SOX6: variants seen among roughly 807,000 people sequenced by gnomAD.
SOX6 encodes SRY-box transcription factor 6.
A neutral mutation model predicts 97.8 loss-of-function variants in SOX6; 11 were observed. That is an observed-to-expected ratio of 0.11 (90% confidence interval 0.07 to 0.19). SOX6 has a LOEUF of 0.19. Among genes scored for constraint, SOX6 ranks in the 10% least tolerant of loss-of-function variants. The pLI is 1.00. For synonymous variants in SOX6, 360 were observed against 371.4 expected (o/e 0.97, Z 0.35); for missense variants, 810 against 1,039.5 (o/e 0.78, Z 3.04).
At chr11:16,094,326 G>A (rs941645308) in intron 9 of SOX6, among the ~76,000 whole-genome samples, 9 of 151,640 alleles carry the variant, frequency 5.9e-5, no homozygotes, top group Non-Finnish European at 1.2e-4. Flanking sequence ...AGTGGGGGGT[G>A]GGAGAGAAGC....
At chr11:16,283,089 GTATA>G (rs10581083) in intron 3 of SOX6, among the ~76,000 whole-genome samples, 22,240 of 113,656 alleles carry the variant, frequency 0.2, 2,751 homozygotes, top group Admixed American at 0.33. Flanking sequence ...TATATAATTT[GTATA>G]TATATATATA....
At chr11:16,484,540 G>A in intron 4 of SOX6, 1 of 780,286 alleles carries the variant, frequency 1.3e-6, no homozygotes, top group Admixed American at 1.7e-5. Context: ...CATGGGCACA[G>A]TCGAGATGGC....
chr11:16,066,222 C>G (rs997157686), intron 9 of SOX6, among the ~76,000 whole-genome samples: 1 of 152,126 alleles, frequency 6.6e-6, no homozygotes, highest in African/African-American at 2.4e-5. Context: ...TATCATCTCA[C>G]CCCAGTTAAA....
chr11:16,244,768 TTG>T (rs768155415), intron 3 of SOX6, among the ~76,000 whole-genome samples: 1 of 150,732 alleles, frequency 6.6e-6, no homozygotes, highest in Non-Finnish European at 1.5e-5. Context: ...GTGTGTGTGT[TTG>T]TGTGTGTGTT....
rs1397139623 is a variant in SOX6, at chr11:16,605,142, G to A, written n.609+6939C>T. ...CTGCCCTGGGCCGAGCCCGGGAGCA[G>A]CGGACCGCGGCCCCGGCTGCAGAGG... On this transcript the variant is annotated intron_variant and non_coding_transcript_variant, in intron 4 of 5. Coordinates refer to the SOX6 transcript ENST00000524520. The surrounding 1 kb of genome is among the most constrained non-coding windows in gnomAD (Gnocchi z 5.3). 6.6e-6 allele frequency among the ~76,000 whole-genome samples: 1 copy of A among 151,984 alleles called. No homozygotes were observed. Among genetic ancestry groups the A allele is most frequent in the Non-Finnish European group, 1.5e-5 (1 of 67,976 alleles).
rs182864629 is a variant in SOX6 at position 16,636,302 on chromosome 11, T to C, written n.430-24042A>G. Among the ~76,000 whole-genome samples, 5 of 152,302 alleles carry C rather than the reference T, an allele frequency of 3.3e-5. No homozygotes were observed. In the East Asian group the frequency reaches 9.6e-4, roughly 29 times the overall value. On this transcript the variant is annotated intron_variant and non_coding_transcript_variant, in intron 3 of 5. Transcript: ENST00000524520. ...AGGCATGGAGTCAAAAGAGATCATT[T>C]TGGAGCTTTAAGATTTGACTGTCCC...
chr11:16,077,450 C>T (rs1198648924), intron 9 of SOX6, among the ~76,000 whole-genome samples: 4 of 152,178 alleles, frequency 2.6e-5, no homozygotes, highest in African/African-American at 9.7e-5. Flanking sequence ...CCAGCAATCT[C>T]ATTATGGGGC....
At chr11:16,644,453 A>C (rs1015017122) in intron 3 of SOX6, among the ~76,000 whole-genome samples, 2 of 152,230 alleles carry the variant, frequency 1.3e-5, no homozygotes, top group Non-Finnish European at 2.9e-5. Context: ...TATTACAATA[A>C]ACAGGAAAAT....
At chr11:16,617,987 G>A (rs988668905) in intron 3 of SOX6, among the ~76,000 whole-genome samples, 21 of 151,896 alleles carry the variant, frequency 1.4e-4, no homozygotes, top group Admixed American at 1.2e-3. Flanking sequence ...AACAACTAGA[G>A]CAGAACTTTA....
intron 1 of SOX6, among the ~76,000 whole-genome samples, chr11:16,352,296 ATG>A (rs1856970054): frequency 6.6e-6 from 1 of 151,722 alleles, no homozygotes; most frequent in Non-Finnish European, 1.5e-5. Flanking sequence ...GGATGGATGG[ATG>A]GAAGGATGGA....
chr11:16,059,138 A>T (rs1272805422), intron 9 of SOX6, among the ~76,000 whole-genome samples: 1 of 151,962 alleles, frequency 6.6e-6, no homozygotes, highest in African/African-American at 2.4e-5. Flanking sequence ...CATATTCCAA[A>T]TTTTTTGTCT....
At chr11:15,991,496 A>G (rs1657316973) in intron 13 of SOX6, among the ~76,000 whole-genome samples, 1 of 152,226 alleles carries the variant, frequency 6.6e-6, no homozygotes, top group Non-Finnish European at 1.5e-5. Flanking sequence ...TTTACAACTG[A>G]CATGGATTCA....
chr11:16,448,536 T>C (rs1859655209), intron 1 of SOX6, among the ~76,000 whole-genome samples: 1 of 152,204 alleles, frequency 6.6e-6, no homozygotes, highest in Non-Finnish European at 1.5e-5. Flanking sequence ...CAAAATGATA[T>C]GACCAGATAA....
intron 1 of SOX6, among the ~76,000 whole-genome samples, chr11:16,469,066 T>C (rs1157719447): frequency 2.6e-5 from 4 of 151,050 alleles, no homozygotes; most frequent in Non-Finnish European, 5.9e-5. Flanking sequence ...ACAGAGGAAC[T>C]TGGTACAGCG....
chr11:16,241,639 C>T (rs985389200), intron 3 of SOX6, among the ~76,000 whole-genome samples: 1 of 151,858 alleles, frequency 6.6e-6, no homozygotes, highest in Non-Finnish European at 1.5e-5. Context: ...AATCATAGTT[C>T]TATGTTGCTT....
chr11:16,383,911 G>A (rs902239869), intron 1 of SOX6, among the ~76,000 whole-genome samples: 20 of 151,834 alleles, frequency 1.3e-4, no homozygotes, highest in African/African-American at 4.1e-4. Context: ...GCAAAGATAG[G>A]AAACCAAAAA....
chr11:16,350,004 A>T (rs1856895184), intron 1 of SOX6, among the ~76,000 whole-genome samples: 1 of 152,158 alleles, frequency 6.6e-6, no homozygotes, highest in South Asian at 2.1e-4. Flanking sequence ...ATCATTTATG[A>T]TCATTTAACA....
chr11:16,562,408 G>T (rs1847825993), intron 4 of SOX6, among the ~76,000 whole-genome samples: 1 of 152,020 alleles, frequency 6.6e-6, no homozygotes, highest in African/African-American at 2.4e-5. Flanking sequence ...CAGAAAAAAA[G>T]TCCCCCAAAA....
At chr11:16,399,053 G>A (rs1458330985) in intron 1 of SOX6, among the ~76,000 whole-genome samples, 1 of 151,198 alleles carries the variant, frequency 6.6e-6, no homozygotes, top group African/African-American at 2.4e-5. Flanking sequence ...TCAGAAAACA[G>A]ATTTTTCTTG....
Sources: gnomAD v4.1 joint callset for allele counts (sites outside exome capture counted in the v4.1 genomes callset) on GRCh38, gnomAD v4.1.1 for gene constraint, Gnocchi (gnomAD v3.1) non-coding constraint, MANE v1.5 for transcripts, NCBI Gene and HGNC (gene_info 2026-07-23, HGNC 2026-07-21) for gene names.